The following ADAMTS2 variants were observed in gnomAD, a reference collection of about 807,000 sequenced individuals.
ADAMTS2 encodes the protein A disintegrin and metalloproteinase with thrombospondin motifs 2.
In ADAMTS2, 50 loss-of-function variants were observed where a neutral mutation model predicts 123.0. The ratio of observed to expected loss-of-function variants is 0.41; its 90% CI spans 0.32 to 0.51. The LOEUF (loss-of-function observed/expected upper bound fraction) is 0.51, where lower values mean the gene tolerates loss of function less well. Among genes scored for constraint, ADAMTS2 ranks in the 20% least tolerant of loss-of-function variants. ADAMTS2 has a pLI of 0.35. For synonymous variants in ADAMTS2, 678 were observed against 695.4 expected, an observed-to-expected ratio of 0.98 and a Z score of 0.39; for missense variants, 1,494 against 1,705.2, an observed-to-expected ratio of 0.88 and a Z score of 2.18.
intron 3 of ADAMTS2, among the ~76,000 whole-genome samples, chr5:179,240,933 G>T (rs1042587212): frequency 6.6e-6 from 1 of 152,202 alleles, no homozygotes; most frequent in Non-Finnish European, 1.5e-5. Flanking sequence ...TATGGATGCC[G>T]CAGAAGACAA....
At chr5:179,250,786 C>T (rs781744091) in intron 3 of ADAMTS2, among the ~76,000 whole-genome samples, 8 of 152,330 alleles carry the variant, frequency 5.3e-5, no homozygotes, top group Middle Eastern at 3.4e-3. Flanking sequence ...TCCTAACTTT[C>T]GAAACCTGGC....
At chr5:179,329,171 CA>C (rs1229653757) in intron 2 of ADAMTS2, among the ~76,000 whole-genome samples, 6 of 151,932 alleles carry the variant, frequency 3.9e-5, no homozygotes, top group South Asian at 4.2e-4. Context: ...ACTAAAAATA[CA>C]AAAAATTAGC....
chr5:179,193,490 A>G lies in ADAMTS2; in HGVS notation c.892-12335T>C, dbSNP rs527439224. On this transcript the variant is annotated intron_variant, in intron 4 of 21. Coordinates refer to ENST00000251582, the MANE Select transcript of ADAMTS2 (RefSeq NM_014244.5). ...GCAATTTGGCAAACCTGCTGCAACT[A>G]GAAACTGTATCCCGGGACCTGGCCA... is the stretch of plus-strand genomic sequence containing the variant. Among the ~76,000 whole-genome samples, 3 of 152,296 alleles carry G rather than the reference A, an allele frequency of 2.0e-5. No individual in the cohort carries two copies. In the East Asian group the frequency reaches 5.8e-4, roughly 29 times the overall value.
chr5:179,299,266 A>T (rs112182100), intron 2 of ADAMTS2, among the ~76,000 whole-genome samples: 8 of 146,796 alleles, frequency 5.4e-5, no homozygotes, highest in South Asian at 2.2e-4. Context: ...GCGGTGGCTC[A>T]CGCCTGTAAT....
intron 10 of ADAMTS2, among the ~76,000 whole-genome samples, chr5:179,140,739 G>A (rs987622171): frequency 1.3e-5 from 2 of 148,212 alleles, no homozygotes; most frequent in African/African-American, 5.0e-5. Flanking sequence ...AAAAAACAGA[G>A]AACAAGGACT....
chr5:179,221,210 C>T (rs142055900), intron 3 of ADAMTS2, among the ~76,000 whole-genome samples: 24 of 152,270 alleles, frequency 1.6e-4, no homozygotes, highest in Non-Finnish European at 1.0e-4. Context: ...TCATGGTAGC[C>T]GGTGGAGTGG....
rs369150315 is a variant in ADAMTS2, at chr5:179,132,562, G to A, written c.2209+215C>T. On this transcript the variant is annotated intron_variant, in intron 14 of 21. Transcript: ENST00000251582. This position sits in a 1 kb window ranked among gnomAD's most constrained non-coding sequence, Gnocchi z 6.1. ...TCTCCACTCTAACCCCTGTGACCCC[G>A]GCCCCCACTCTCCTCTTCCCCACCC... is the stretch of plus-strand genomic sequence containing the variant. Among the ~76,000 whole-genome samples the A allele has an allele frequency of 1.3e-5, 2 of 151,208 alleles. No individual in the cohort carries two copies. The highest frequency in any genetic ancestry group is 2.1e-4 in the South Asian group (1 of 4,758).
At chr5:179,244,375 T>C (rs925624676) in intron 3 of ADAMTS2, among the ~76,000 whole-genome samples, 2 of 152,218 alleles carry the variant, frequency 1.3e-5, no homozygotes. Context: ...ATATCCAATG[T>C]AAAAAAGCTG....
intron 4 of ADAMTS2, among the ~76,000 whole-genome samples, chr5:179,199,351 G>T (rs543596042): frequency 1.3e-5 from 2 of 152,298 alleles, no homozygotes; most frequent in South Asian, 4.1e-4. Context: ...GGGCAGGCGT[G>T]GTGGTGGCCA....
rs542227097 is a variant in ADAMTS2, at chr5:179,291,037, G to T, written c.535-17973C>A. On this transcript the variant is annotated intron_variant, in intron 2 of 21. Transcript: ENST00000251582. ...GAGCTCTAGGGCTGTTGACTATGAG[G>T]TTGCTTCAGGTCTCAGTGAGTGGCT... Among the ~76,000 whole-genome samples, 17 of 152,342 alleles carry T rather than the reference G, an allele frequency of 1.1e-4. No individual in the cohort carries two copies. The South Asian group carries it at 2.7e-3, about 24-fold the overall frequency.
At chr5:179,337,794 G>A (rs1191471160) in intron 2 of ADAMTS2, among the ~76,000 whole-genome samples, 1 of 152,230 alleles carries the variant, frequency 6.6e-6, no homozygotes, top group African/African-American at 2.4e-5. Flanking sequence ...TACTCACCCA[G>A]GTGTGGCCCC....
At chr5:179,323,211 C>A (rs759231128) in intron 2 of ADAMTS2, among the ~76,000 whole-genome samples, 34 of 152,224 alleles carry the variant, frequency 2.2e-4, no homozygotes, top group Middle Eastern at 3.2e-3. Context: ...ATCCGTGGTC[C>A]CCCTTCTGAC....
At position 179,277,239 on chromosome 5, in the gene ADAMTS2, T is replaced by C. The variant is rs938669199; in HGVS notation, c.535-4175A>G. On this transcript the variant is annotated intron_variant, in intron 2 of 21. Transcript: ENST00000251582. ...AACATGCTCCTCACAGCCCCGCCCG[T>C]CTCTGTTGACCACCGTGCGATGCGC... Among the ~76,000 whole-genome samples the C allele has an allele frequency of 5.9e-4, 90 of 151,966 alleles. 1 individual carries two copies. Among genetic ancestry groups the C allele is most frequent in the African/African-American group, 2.0e-3 (83 of 41,468 alleles).
At chr5:179,238,174 G>A (rs1765573368) in intron 3 of ADAMTS2, among the ~76,000 whole-genome samples, 1 of 152,224 alleles carries the variant, frequency 6.6e-6, no homozygotes, top group Admixed American at 6.5e-5. Flanking sequence ...GAGCTTGAAG[G>A]AAGCCACAGC....
chr5:179,132,393 C>A lies in ADAMTS2; in HGVS notation c.2210-83G>T. 7.4e-7 allele frequency: 1 copy of A among 1,358,084 alleles called. No homozygotes were observed. Among genetic ancestry groups the A allele is most frequent in the South Asian group, 1.2e-5 (1 of 83,064 alleles). 84.1% of individuals were successfully genotyped at this position (1,358,084 alleles called of 1,614,324 possible). On this transcript the variant is annotated intron_variant, in intron 14 of 21. Transcript: ENST00000251582. This position sits in a 1 kb window ranked among gnomAD's most constrained non-coding sequence, Gnocchi z 6.1. ...GCACCATGCAAGGAGGGGCCTCGCTCTTGAAGGCAGCTCCTCCGGAGGCTC... is the reference window on the plus strand; with the variant it reads ...GCACCATGCAAGGAGGGGCCTCGCTATTGAAGGCAGCTCCTCCGGAGGCTC...
chr5:179,297,086 C>A (rs931269135), intron 2 of ADAMTS2, among the ~76,000 whole-genome samples: 1 of 152,094 alleles, frequency 6.6e-6, no homozygotes, highest in African/African-American at 2.4e-5. Flanking sequence ...GCTTTACAAA[C>A]CAAGGGCCGC....
At chr5:179,236,258 T>A (rs1344300156) in intron 3 of ADAMTS2, among the ~76,000 whole-genome samples, 1 of 152,124 alleles carries the variant, frequency 6.6e-6, no homozygotes, top group African/African-American at 2.4e-5. Context: ...TTTCCCTCCC[T>A]CCTCTCTGAG....
chr5:179,332,967 G>A lies in ADAMTS2; in HGVS notation c.534+10800C>T, dbSNP rs1416176755. 2.6e-5 allele frequency among the ~76,000 whole-genome samples: 4 copies of A among 152,164 alleles called. No individual in the cohort carries two copies. Among genetic ancestry groups the A allele is most frequent in the Non-Finnish European group, 5.9e-5 (4 of 68,024 alleles). On this transcript the variant is annotated intron_variant, in intron 2 of 21. Coordinates refer to ENST00000251582, the MANE Select transcript of ADAMTS2 (RefSeq NM_014244.5). This position sits in a 1 kb window ranked among gnomAD's most constrained non-coding sequence, Gnocchi z 4.2. ...CAGCAAAGGCCAGCTACTGCCCTGG[G>A]AGCCCTCACCCCCTTATCCTGCCCG...
Position 179,228,233 on chromosome 5 carries a change from A to G in ADAMTS2, c.689-20518T>C, listed in dbSNP as rs1189023426. On this transcript the variant is annotated intron_variant, in intron 3 of 21. Coordinates refer to ENST00000251582, the MANE Select transcript of ADAMTS2 (RefSeq NM_014244.5). The surrounding 1 kb of genome is among the most constrained non-coding windows in gnomAD (Gnocchi z 5.2). ...AGCACCGCAGTGGCGCACACAGATCAGTGTCCTGATCTGAAAAGTAGGCAT... is the reference window on the plus strand; with the variant it reads ...AGCACCGCAGTGGCGCACACAGATCGGTGTCCTGATCTGAAAAGTAGGCAT... 2.0e-5 allele frequency among the ~76,000 whole-genome samples: 3 copies of G among 152,186 alleles called. No individual in the cohort carries two copies. Among genetic ancestry groups the G allele is most frequent in the African/African-American group, 7.2e-5 (3 of 41,454 alleles).
Sources: gnomAD v4.1 joint callset for allele counts (sites outside exome capture counted in the v4.1 genomes callset) on GRCh38, gnomAD v4.1.1 for gene constraint, Gnocchi (gnomAD v3.1) non-coding constraint, MANE v1.5 for transcripts, NCBI Gene and HGNC (gene_info 2026-07-23, HGNC 2026-07-21) for gene names.